Variants in NEXMIF observed in about 807,000 individuals in gnomAD.
The protein encoded by NEXMIF is XLMR protein related to neurite extension.
In NEXMIF, 8 loss-of-function variants were observed where a neutral mutation model predicts 62.1. The observed-to-expected ratio is 0.13, with a 90% CI of 0.08 to 0.23. The LOEUF (loss-of-function observed/expected upper bound fraction) is 0.23, where lower values mean the gene tolerates loss of function less well. Among genes scored for constraint, NEXMIF ranks in the 10% least tolerant of loss-of-function variants. The pLI is 1.00. For synonymous variants in NEXMIF, 404 were observed against 416.6 expected (o/e 0.97, Z 0.37); for missense variants, 976 against 1,113.3 (o/e 0.88, Z 1.75).
chrX:74,792,560 A>G (rs1247563103), intron 1 of NEXMIF, among the ~76,000 whole-genome samples: 1 of 93,923 alleles, frequency 1.1e-5, no homozygotes, highest in African/African-American at 3.9e-5. Flanking sequence ...GATCTGTCTA[A>G]TGTTGACAGT....
rs191098228 is a variant in NEXMIF at position 74,795,938 on chromosome X, T to G, written c.-47-50241A>C. 6.1e-3 allele frequency among the ~76,000 whole-genome samples: 637 copies of G among 103,635 alleles called. 9 individuals carry two copies. The highest frequency in any genetic ancestry group is 8.8e-3 in the Non-Finnish European group (451 of 51,353). The allele number at this position is 103,635 out of a possible 115,157, so 90.0% of individuals were successfully genotyped here. On this transcript the variant is annotated intron_variant, in intron 1 of 3. Coordinates refer to ENST00000055682, the MANE Select transcript of NEXMIF (RefSeq NM_001008537.3). ...ATAGATGAACAATTGTGAGACTGGT[T>G]TGAATGTACTGGGTTTGAACAAGTA...
chrX:74,899,882 A>T (rs922234223), intron 1 of NEXMIF, among the ~76,000 whole-genome samples: 24 of 112,189 alleles, frequency 2.1e-4, no homozygotes, highest in African/African-American at 7.1e-4. Flanking sequence ...TTATTGTGAA[A>T]TAACATTGTA....
intron 1 of NEXMIF, among the ~76,000 whole-genome samples, chrX:74,922,642 A>G (rs138026025): frequency 0.029 from 3,234 of 111,939 alleles, 50 homozygotes; most frequent in Middle Eastern, 0.087. Flanking sequence ...GAGCCATTTC[A>G]TCTCTACTCA....
chrX:74,881,001 A>T (rs895768695), intron 1 of NEXMIF, among the ~76,000 whole-genome samples: 1 of 111,298 alleles, frequency 9.0e-6, no homozygotes. Flanking sequence ...AAAAGAAAGA[A>T]CCCAAGCCAT....
chrX:74,873,186 A>G (rs1255251102), intron 1 of NEXMIF, among the ~76,000 whole-genome samples: 1 of 106,966 alleles, frequency 9.3e-6, no homozygotes, highest in Admixed American at 1.0e-4. Context: ...TTCCCCTTCC[A>G]GTGTCCATGT....
At chrX:74,739,527 T>C in intron 3 of NEXMIF, 29 bp from the exon 4 acceptor site, 1 of 1,019,215 alleles carries the variant, frequency 9.8e-7, no homozygotes, top group Non-Finnish European at 1.4e-6. Flanking sequence ...ATTTATGCCA[T>C]CTGAGTTAGT....
chrX:74,813,381 T>C (rs1474346486), intron 1 of NEXMIF, among the ~76,000 whole-genome samples: 2 of 110,726 alleles, frequency 1.8e-5, no homozygotes, highest in African/African-American at 6.6e-5. Flanking sequence ...TAAAAAAGGG[T>C]AAATAATTGT....
intron 1 of NEXMIF, among the ~76,000 whole-genome samples, chrX:74,799,587 C>G (rs1360592060): frequency 8.9e-6 from 1 of 112,081 alleles, no homozygotes; most frequent in Non-Finnish European, 1.9e-5. Context: ...ATTGAGGGAT[C>G]TAGCTCAAAT....
At position 74,740,177 on chromosome X, in the gene NEXMIF, C is replaced by G. The variant is rs2080097234; in HGVS notation, c.4380G>C (p.Glu1460Asp). Residue 1460 changes from glutamate (E) to aspartate (D), a missense_variant, in exon 3 of 4, where the codon GAG (glutamate) becomes GAC (aspartate). By Grantham distance (45) the Glu-to-Asp change is conservative (BLOSUM62 2). Coordinates refer to ENST00000055682, the MANE Select transcript of NEXMIF (RefSeq NM_001008537.3). ...HKSSSKALRD[E>D]KCKGKHMERE... ...GCTCCATGTGCTTTCCCTTACATTT[C>G]TCATCTCTCAGGGCCTTGGAGCTGG... is the stretch of plus-strand genomic sequence containing the variant. The G allele has an allele frequency of 5.0e-6, 6 of 1,208,846 alleles. No homozygotes were observed. In the Admixed American group the frequency reaches 1.1e-4, roughly 22 times the overall value.
chrX:74,854,563 C>G (rs1377911380), intron 1 of NEXMIF, among the ~76,000 whole-genome samples: 1 of 111,830 alleles, frequency 8.9e-6, no homozygotes, highest in Non-Finnish European at 1.9e-5. Flanking sequence ...CTAGGTCTTT[C>G]TGTACCTAGC....
chrX:74,845,859 A>G (rs2080490266), intron 1 of NEXMIF, among the ~76,000 whole-genome samples: 1 of 111,038 alleles, frequency 9.0e-6, no homozygotes, highest in African/African-American at 3.3e-5. Context: ...AAACATTTCC[A>G]ATTATCAGCT....
Position 74,739,288 on chromosome X carries a change from T to G in NEXMIF, c.*117A>C. ...CTTTTTAAGTCTTTTACATAGAACA[T>G]GAGATTAAAGTTTGCTCCAAAGACG... On this transcript the variant is annotated 3_prime_UTR_variant, in exon 4 of 4. Coordinates refer to ENST00000055682, the MANE Select transcript of NEXMIF (RefSeq NM_001008537.3). The G allele has an allele frequency of 5.0e-4, 231 of 465,070 alleles. No homozygotes were observed. Among genetic ancestry groups the G allele is most frequent in the Non-Finnish European group, 6.9e-4 (193 of 278,363 alleles). 38.3% of individuals were successfully genotyped at this position (465,070 alleles called of 1,213,427 possible). A position where few individuals can be genotyped will look rare whatever the true frequency, so the allele number is the denominator to read the frequency against.
chrX:74,876,313 C>G (rs1738716918), intron 1 of NEXMIF, among the ~76,000 whole-genome samples: 1 of 111,666 alleles, frequency 9.0e-6, no homozygotes, highest in Admixed American at 9.5e-5. Flanking sequence ...GAGTGAGATT[C>G]TTAATCCTGA....
At chrX:74,894,236 T>G (rs1301564759) in intron 1 of NEXMIF, among the ~76,000 whole-genome samples, 3 of 111,090 alleles carry the variant, frequency 2.7e-5, no homozygotes, top group Non-Finnish European at 5.7e-5. Context: ...AGGCGGAGGC[T>G]GCAGTGAGCC....
In NEXMIF at chrX:74,738,857, TAC is replaced by T. The variant is rs756639327; in HGVS notation, c.*546_*547del. ...GTGTATATATATATATACATATATA[TAC>T]ACACACACACACACACACAAACATA... On this transcript the variant is annotated 3_prime_UTR_variant, in exon 4 of 4. Transcript: ENST00000055682. 1,253 of 105,112 alleles carry T rather than the reference TAC, an allele frequency of 0.012. 23 individuals are homozygous for T. The highest frequency in any genetic ancestry group is 0.037 in the African/African-American group (1,077 of 28,953). 8.7% of individuals were successfully genotyped at this position (105,112 alleles called of 1,213,427 possible). A position where few individuals can be genotyped will look rare whatever the true frequency, so the allele number is the denominator to read the frequency against.
intron 1 of NEXMIF, among the ~76,000 whole-genome samples, chrX:74,872,573 T>C (rs1305364025): frequency 4.6e-5 from 5 of 109,475 alleles, no homozygotes; most frequent in African/African-American, 1.7e-4. Flanking sequence ...ACTTAGTAAA[T>C]ATAGTAAATA....
intron 1 of NEXMIF, among the ~76,000 whole-genome samples, chrX:74,766,588 T>C (rs1278240500): frequency 8.9e-6 from 1 of 112,151 alleles, no homozygotes; most frequent in Non-Finnish European, 1.9e-5. Context: ...GATCTGTTAG[T>C]TTCCTTTTTT....
chrX:74,825,319 T>C lies in NEXMIF; in HGVS notation c.-47-79622A>G, dbSNP rs1446649826. On this transcript the variant is annotated intron_variant, in intron 1 of 3. Transcript: ENST00000055682. Reference sequence around the variant, plus strand: ...TGTCATGGGGTTGCGTTGTACAGTTTATTTCATCACCCAGGTATTGAACCT... The same window carrying C: ...TGTCATGGGGTTGCGTTGTACAGTTCATTTCATCACCCAGGTATTGAACCT... Among the ~76,000 whole-genome samples the C allele has an allele frequency of 2.7e-5, 3 of 111,577 alleles. No homozygotes were observed. The East Asian group carries it at 8.5e-4, about 32-fold the overall frequency.
At chrX:74,756,971 G>C (rs146816653) in intron 1 of NEXMIF, among the ~76,000 whole-genome samples, 1 of 111,801 alleles carries the variant, frequency 8.9e-6, no homozygotes, top group African/African-American at 3.2e-5. Context: ...CTAGCCTTCT[G>C]CAAGTTCACC....
Sources: gnomAD v4.1 joint callset for allele counts (sites outside exome capture counted in the v4.1 genomes callset) on GRCh38, gnomAD v4.1.1 for gene constraint, MANE v1.5 for transcripts, NCBI Gene and HGNC (gene_info 2026-07-23, HGNC 2026-07-21) for gene names.